TMEM242: variants seen among roughly 807,000 people sequenced by gnomAD.
The protein encoded by TMEM242 is UPF0463 transmembrane protein C6orf35.
Under a neutral mutation model 18.2 loss-of-function variants are expected in TMEM242, and 10 were observed. That is an observed-to-expected ratio of 0.55 (90% confidence interval 0.34 to 0.93). The LOEUF is 0.93. Ranked by LOEUF, TMEM242 falls within the 40% of genes least tolerant of loss-of-function variation. The pLI, the probability that TMEM242 is intolerant of heterozygous loss-of-function variation, is 0.02. For missense variants in TMEM242, 186 were observed against 175.5 expected (o/e 1.06, Z -0.34); for synonymous variants, 57 against 69.9 (o/e 0.81, Z 0.92).
rs1562385906 is a variant in TMEM242, at chr6:157,313,109, TGTGTGCTCACCCGGCCTC to T, written c.327+5655_327+5672del. Among the ~76,000 whole-genome samples the T allele has an allele frequency of 4.1e-5, 6 of 144,886 alleles. 1 individual carries two copies. The highest frequency in any genetic ancestry group is 9.1e-5 in the Non-Finnish European group (6 of 66,152). On this transcript the variant is annotated intron_variant, in intron 3 of 3. Coordinates refer to ENST00000400788, the MANE Select transcript of TMEM242 (RefSeq NM_018452.6). ...ACCTGGCCTCATCAAAGTGTCCCAG[TGTGTGCTCACCCGGCCTC>T]ATCATAGTGTCCCAGTGTGCGCTCA...
intron 3 of TMEM242, among the ~76,000 whole-genome samples, chr6:157,309,350 G>C (rs1323923020): frequency 4.0e-5 from 6 of 148,888 alleles, no homozygotes; most frequent in African/African-American, 1.2e-4. Flanking sequence ...TTTCTGTTTT[G>C]AATAAAAAGG....
At chr6:157,313,691 GC>G (rs1778296615) in intron 3 of TMEM242, among the ~76,000 whole-genome samples, 5 of 47,348 alleles carry the variant, frequency 1.1e-4, no homozygotes, top group African/African-American at 2.6e-4. Flanking sequence ...CCCAATGTGC[GC>G]TCACCTGGCC....
intron 3 of TMEM242, among the ~76,000 whole-genome samples, chr6:157,293,673 G>GT (rs1433711796): frequency 3.3e-5 from 5 of 150,706 alleles, no homozygotes; most frequent in African/African-American, 4.9e-5. Context: ...TTTTGTTTTT[G>GT]TTTTTTTAAA....
intron 3 of TMEM242, among the ~76,000 whole-genome samples, chr6:157,312,036 AACCGG>A (rs1778146280): frequency 2.9e-5 from 2 of 69,034 alleles, no homozygotes; most frequent in Non-Finnish European, 5.5e-5. Flanking sequence ...GTGTGCACTC[AACCGG>A]CCTCATCATA....
At chr6:157,314,847 TC>T (rs1394776434) in intron 3 of TMEM242, among the ~76,000 whole-genome samples, 3 of 152,204 alleles carry the variant, frequency 2.0e-5, no homozygotes, top group African/African-American at 7.2e-5. Flanking sequence ...TTAAACATGT[TC>T]CCTTTTAGGC....
intron 3 of TMEM242, among the ~76,000 whole-genome samples, chr6:157,311,363 C>A (rs1583565632): frequency 8.7e-6 from 1 of 114,696 alleles, no homozygotes. Context: ...CTCACCTAGC[C>A]TCATCATAGT....
At chr6:157,294,079 C>G (rs1284195030) in intron 3 of TMEM242, among the ~76,000 whole-genome samples, 1 of 152,250 alleles carries the variant, frequency 6.6e-6, no homozygotes, top group South Asian at 2.1e-4. Context: ...GCACCTGGGT[C>G]CACCTAAGGC....
intron 3 of TMEM242, among the ~76,000 whole-genome samples, chr6:157,311,368 C>G: frequency 8.4e-6 from 1 of 118,606 alleles, no homozygotes; most frequent in Admixed American, 8.5e-5. Context: ...CTAGCCTCAT[C>G]ATAGTGTTCC....
chr6:157,320,470 T>C (rs1778474273), intron 2 of TMEM242, among the ~76,000 whole-genome samples: 1 of 152,176 alleles, frequency 6.6e-6, no homozygotes, highest in Non-Finnish European at 1.5e-5. Flanking sequence ...TGTTAGTCTT[T>C]TATTTATTTA....
chr6:157,308,653 G>A (rs587732420), intron 3 of TMEM242, among the ~76,000 whole-genome samples: 40 of 152,222 alleles, frequency 2.6e-4, no homozygotes, highest in African/African-American at 9.2e-4. Flanking sequence ...GAGGCAAGAC[G>A]GGGCCCTGGA....
chr6:157,311,538 C>T (rs1554248836), intron 3 of TMEM242, among the ~76,000 whole-genome samples: 185 of 126,464 alleles, frequency 1.5e-3, no homozygotes, highest in Admixed American at 2.1e-3. Context: ...CCGGCCTCAT[C>T]ATAGTGTCCC....
chr6:157,303,625 A>G (rs1196589400), intron 3 of TMEM242, among the ~76,000 whole-genome samples: 3 of 152,230 alleles, frequency 2.0e-5, no homozygotes, highest in African/African-American at 7.2e-5. Flanking sequence ...TAATCAGCAC[A>G]CAGAACCCTT....
At chr6:157,300,212 C>T in intron 3 of TMEM242, 1 of 442,520 alleles carries the variant, frequency 2.3e-6, no homozygotes, top group East Asian at 4.6e-5. Flanking sequence ...ATTAGCAGCA[C>T]CTTCAGCCCT....
Position 157,291,453 on chromosome 6 carries a change from C to T in TMEM242, c.*1448G>A, listed in dbSNP as rs1211086146. On this transcript the variant is annotated 3_prime_UTR_variant, in exon 4 of 4. Coordinates refer to ENST00000400788, the MANE Select transcript of TMEM242 (RefSeq NM_018452.6). ...CCTAGATTCAGACTAATTGTATGGA[C>T]GAAAACCTGTTCCTTTGGCTCCTGC... is the stretch of plus-strand genomic sequence containing the variant. 6.6e-5 allele frequency: 10 copies of T among 152,218 alleles called. No homozygotes were observed. Among genetic ancestry groups the T allele is most frequent in the African/African-American group, 1.2e-4 (5 of 41,448 alleles). 9.4% of individuals were successfully genotyped at this position (152,218 alleles called of 1,614,324 possible). A position where few individuals can be genotyped will look rare whatever the true frequency, so the allele number is the denominator to read the frequency against.
intron 3 of TMEM242, among the ~76,000 whole-genome samples, chr6:157,313,334 CATAGTG>C (rs2128416634): frequency 7.6e-6 from 1 of 131,630 alleles, no homozygotes; most frequent in Admixed American, 7.7e-5. Context: ...CTGGCCTCAT[CATAGTG>C]CCCCAGTGTG....
At chr6:157,299,479 C>G in intron 3 of TMEM242, 2 of 1,412,646 alleles carry the variant, frequency 1.4e-6, no homozygotes, top group African/African-American at 1.4e-5. Flanking sequence ...GGATACCAAG[C>G]TTTTGTCCAA....
chr6:157,315,904 T>C (rs180795084), intron 3 of TMEM242, among the ~76,000 whole-genome samples: 189 of 152,340 alleles, frequency 1.2e-3, no homozygotes, highest in Non-Finnish European at 2.5e-3. Flanking sequence ...GTATTTAATG[T>C]ATGTGTTCTA....
intron 3 of TMEM242, among the ~76,000 whole-genome samples, chr6:157,303,060 C>T (rs1265742213): frequency 6.6e-6 from 1 of 152,246 alleles, no homozygotes; most frequent in Non-Finnish European, 1.5e-5. Flanking sequence ...GCCTATGTCA[C>T]CACTGTACTT....
At position 157,292,991 on chromosome 6, in the gene TMEM242, G is replaced by A. The variant is rs1554246933; in HGVS notation, c.336C>T (p.Asp112=). 3 of 1,612,430 alleles carry A rather than the reference G, an allele frequency of 1.9e-6. No homozygotes were observed. Among genetic ancestry groups the A allele is most frequent in the African/African-American group, 1.3e-5 (1 of 75,012 alleles). The change falls in exon 4 of 4, where the codon GAC becomes GAT. Residue 112 remains aspartate (D), a synonymous_variant. Transcript: ENST00000400788. ...WKALGVHSMN[D]FRSKMQSIFP... ...ATATTGATTGCATTTTACTTCGAAA[G>A]TCGTTCATCTAAAAGAAGAAAAATA...
Sources: allele counts gnomAD v4.1 joint callset (sites outside exome capture counted in the v4.1 genomes callset), GRCh38; gene constraint gnomAD v4.1.1; transcripts MANE v1.5; gene names NCBI Gene and HGNC (gene_info 2026-07-23, HGNC 2026-07-21).